TRPM3: variants seen among roughly 807,000 people sequenced by gnomAD.
TRPM3 encodes the protein long transient receptor potential channel 3.
A neutral mutation model predicts 181.2 loss-of-function variants in TRPM3; 77 were observed. The observed-to-expected ratio is 0.42, with a 90% CI of 0.35 to 0.51. TRPM3 has a LOEUF of 0.51. Among genes scored for constraint, TRPM3 ranks in the 20% least tolerant of loss-of-function variants. TRPM3 has a pLI of 0.01. For synonymous variants in TRPM3, 745 were observed against 796.4 expected, an observed-to-expected ratio of 0.94 and a Z score of 1.09; for missense variants, 1,759 against 2,196.7, an observed-to-expected ratio of 0.80 and a Z score of 3.98.
chr9:71,237,798 C>A lies in TRPM3; in HGVS notation c.183+208855G>T, dbSNP rs138924100. On this transcript the variant is annotated intron_variant, in intron 1 of 24. Coordinates refer to the TRPM3 transcript ENST00000357533. ...GGCTGAGATGTCCAAGATCGAGGCA[C>A]TGGCATTTGGTCTAGTGAGGGCCTT... Among the ~76,000 whole-genome samples, 73 of 152,304 alleles carry A rather than the reference C, an allele frequency of 4.8e-4. No homozygotes were observed. In the Middle Eastern group the frequency reaches 0.01, roughly 21 times the overall value.
Position 70,835,822 on chromosome 9 carries a change from G to T in TRPM3, c.801+7181C>A, listed in dbSNP as rs1490961978. Among the ~76,000 whole-genome samples, 8 of 152,174 alleles carry T rather than the reference G, an allele frequency of 5.3e-5. No homozygotes were observed. In the East Asian group the frequency reaches 1.4e-3, roughly 26 times the overall value. ...GTTATTAATATAGAGAAGCAGTATTGGTCTCTATACTGCAAAGGATAATGG... is the reference window on the plus strand; with the variant it reads ...GTTATTAATATAGAGAAGCAGTATTTGTCTCTATACTGCAAAGGATAATGG... On this transcript the variant is annotated intron_variant, in intron 5 of 25. Coordinates refer to ENST00000677713, the MANE Select transcript of TRPM3 (RefSeq NM_001366145.2).
chr9:70,619,165 C>T (rs774891480), intron 16 of TRPM3, 70 bp from the exon 17 acceptor site: 6 of 1,332,016 alleles, frequency 4.5e-6, no homozygotes, highest in Middle Eastern at 4.1e-4. Flanking sequence ...AGTGGACCTG[C>T]TGGCCAACCA....
intron 1 of TRPM3, among the ~76,000 whole-genome samples, chr9:71,029,968 T>C (rs935100180): frequency 1.3e-5 from 2 of 152,172 alleles, no homozygotes; most frequent in Non-Finnish European, 2.9e-5. Context: ...GGGGTCCAAG[T>C]ACGTGAAATC....
intron 20 of TRPM3, among the ~76,000 whole-genome samples, chr9:70,600,586 A>G (rs2059723839): frequency 1.3e-5 from 2 of 152,144 alleles, no homozygotes. Context: ...CTGGGCCCTC[A>G]GTCTGGAGTT....
At chr9:70,837,962 G>C (rs2131891470) in intron 5 of TRPM3, among the ~76,000 whole-genome samples, 1 of 152,246 alleles carries the variant, frequency 6.6e-6, no homozygotes, top group South Asian at 2.1e-4. Context: ...AACTGTAAAG[G>C]GGGTATAATA....
chr9:71,317,666 A>AATAT (rs909032593), intron 1 of TRPM3, among the ~76,000 whole-genome samples: 1 of 97,674 alleles, frequency 1.0e-5, no homozygotes, highest in African/African-American at 3.0e-5. Flanking sequence ...AAAAAGAAAA[A>AATAT]ATATATATAT....
intron 6 of TRPM3, among the ~76,000 whole-genome samples, chr9:70,823,184 A>G (rs1412371219): frequency 1.3e-5 from 2 of 152,058 alleles, no homozygotes; most frequent in African/African-American, 2.4e-5. Context: ...ACCACTTTCT[A>G]CTACCTCCAC....
At chr9:70,605,807 A>G (rs2060969467) in intron 19 of TRPM3, among the ~76,000 whole-genome samples, 1 of 152,182 alleles carries the variant, frequency 6.6e-6, no homozygotes, top group African/African-American at 2.4e-5. Flanking sequence ...TGTAGGTGAA[A>G]TGAATATTGT....
intron 1 of TRPM3, among the ~76,000 whole-genome samples, chr9:70,871,472 G>C (rs779516579): frequency 5.9e-5 from 9 of 151,936 alleles, no homozygotes; most frequent in Non-Finnish European, 8.8e-5. Context: ...ATAGAGAATA[G>C]AATAAGAGGA....
At chr9:71,217,487 C>T (rs1186464854) in intron 1 of TRPM3, among the ~76,000 whole-genome samples, 1 of 152,176 alleles carries the variant, frequency 6.6e-6, no homozygotes, top group African/African-American at 2.4e-5. Flanking sequence ...CAGACACTTT[C>T]ATCACTTCTC....
intron 1 of TRPM3, among the ~76,000 whole-genome samples, chr9:71,144,802 G>A (rs1333010441): frequency 2.0e-5 from 3 of 152,092 alleles, no homozygotes; most frequent in African/African-American, 7.2e-5. Flanking sequence ...AAATTAAGCA[G>A]CAATATGCTT....
chr9:70,651,951 C>T (rs1018211832), intron 9 of TRPM3, among the ~76,000 whole-genome samples: 6 of 151,810 alleles, frequency 4.0e-5, no homozygotes, highest in Non-Finnish European at 7.4e-5. Flanking sequence ...GGAACGTGCT[C>T]AATAGGAAGG....
intron 1 of TRPM3, among the ~76,000 whole-genome samples, chr9:71,219,246 T>C (rs1213637786): frequency 6.6e-6 from 1 of 152,074 alleles, no homozygotes; most frequent in Non-Finnish European, 1.5e-5. Flanking sequence ...GGATGTCAAT[T>C]GCCATTAAAA....
intron 8 of TRPM3, among the ~76,000 whole-genome samples, chr9:70,700,279 G>A (rs943082878): frequency 6.6e-6 from 1 of 152,146 alleles, no homozygotes; most frequent in African/African-American, 2.4e-5. Context: ...CACCACATCT[G>A]GCCAAGGGCT....
At chr9:70,573,194 A>T (rs750122965) in intron 22 of TRPM3, among the ~76,000 whole-genome samples, 2 of 152,248 alleles carry the variant, frequency 1.3e-5, no homozygotes, top group African/African-American at 2.4e-5. Flanking sequence ...CATGAATAAG[A>T]CAGACACAAA....
intron 1 of TRPM3, among the ~76,000 whole-genome samples, chr9:71,005,385 A>G (rs2097662799): frequency 6.6e-6 from 1 of 152,072 alleles, no homozygotes; most frequent in Non-Finnish European, 1.5e-5. Context: ...TAGCCTGGGC[A>G]ACTAGAGTGA....
intron 1 of TRPM3, among the ~76,000 whole-genome samples, chr9:70,998,668 T>A (rs999799272): frequency 6.6e-6 from 1 of 152,154 alleles, no homozygotes; most frequent in Non-Finnish European, 1.5e-5. Context: ...CCATCACTAC[T>A]TCTTAGTTGT....
chr9:71,335,089 G>T (rs1045704263), intron 1 of TRPM3, among the ~76,000 whole-genome samples: 2 of 152,056 alleles, frequency 1.3e-5, no homozygotes, highest in Non-Finnish European at 2.9e-5. Context: ...AGGAGATCAC[G>T]GGTAACCAAA....
intron 6 of TRPM3, among the ~76,000 whole-genome samples, chr9:70,809,717 A>T (rs1341826841): frequency 6.6e-6 from 1 of 152,212 alleles, no homozygotes; most frequent in Non-Finnish European, 1.5e-5. Flanking sequence ...TAAGCAATGC[A>T]TGACAGTATA....
Sources: gnomAD v4.1 joint callset for allele counts (sites outside exome capture counted in the v4.1 genomes callset) on GRCh38, gnomAD v4.1.1 for gene constraint, MANE v1.5 for transcripts, NCBI Gene and HGNC (gene_info 2026-07-23, HGNC 2026-07-21) for gene names.